Variants in GPHN observed in about 807,000 individuals in gnomAD.
GPHN encodes the protein gephyrin.
In GPHN, 17 loss-of-function variants were observed where a neutral mutation model predicts 95.5. The ratio of observed to expected loss-of-function variants is 0.18; its 90% confidence interval spans 0.12 to 0.27. The LOEUF is 0.27. Ranked by LOEUF, GPHN falls within the 10% of genes least tolerant of loss-of-function variation. The pLI is 1.00. For missense variants in GPHN, 660 were observed against 978.1 expected (o/e 0.67, Z 4.34); for synonymous variants, 320 against 322.5 (o/e 0.99, Z 0.08).
intron 1 of GPHN, among the ~76,000 whole-genome samples, chr14:66,630,737 GCT>G (rs2063762955): frequency 1.3e-5 from 2 of 152,106 alleles, no homozygotes; most frequent in Non-Finnish European, 2.9e-5. Context: ...CTCCCAAAGT[GCT>G]GAGATTACAG....
chr14:67,712,078 C>G, the GPHN span, among the ~76,000 whole-genome samples: 46 of 152,126 alleles, frequency 3.0e-4, no homozygotes, highest in African/African-American at 1.0e-3. Context: ...TGCCACCACA[C>G]CCAGCTAATT....
chr14:67,060,676 G>A (rs981621543), intron 11 of GPHN, among the ~76,000 whole-genome samples: 1 of 152,200 alleles, frequency 6.6e-6, no homozygotes, highest in African/African-American at 2.4e-5. Context: ...AATTAATGTG[G>A]TACTTGTCTC....
intron 4 of GPHN, among the ~76,000 whole-genome samples, chr14:66,855,325 T>A (rs2062755091): frequency 6.6e-6 from 1 of 152,202 alleles, no homozygotes; most frequent in Non-Finnish European, 1.5e-5. Context: ...TAATCTACTT[T>A]CTATCTTTAT....
chr14:67,464,501 C>T, the GPHN span, among the ~76,000 whole-genome samples: 1 of 152,116 alleles, frequency 6.6e-6, no homozygotes, highest in Non-Finnish European at 1.5e-5. Flanking sequence ...ATCCTGTACT[C>T]CTCCTCACCC....
At chr14:66,841,908 C>G (rs1271410572) in intron 4 of GPHN, among the ~76,000 whole-genome samples, 10 of 151,896 alleles carry the variant, frequency 6.6e-5, no homozygotes, top group Admixed American at 6.6e-4. Context: ...AAGAAAAAAG[C>G]CAGACCTGGT....
chr14:66,826,313 C>T (rs1424935034), intron 4 of GPHN, among the ~76,000 whole-genome samples: 1 of 152,154 alleles, frequency 6.6e-6, no homozygotes, highest in Non-Finnish European at 1.5e-5. Flanking sequence ...AGACGGAGTG[C>T]TTTTACTCAC....
the GPHN span, among the ~76,000 whole-genome samples, chr14:67,399,247 G>T: frequency 6.6e-6 from 1 of 152,018 alleles, no homozygotes; most frequent in Admixed American, 6.5e-5. Context: ...TGGCTGTCAG[G>T]TGGCAGGAAT....
the GPHN span, among the ~76,000 whole-genome samples, chr14:67,367,248 G>A: frequency 6.6e-6 from 1 of 151,830 alleles, no homozygotes; most frequent in Admixed American, 6.5e-5. Context: ...CTCTTTTTTT[G>A]GGGGATGGAG....
intron 11 of GPHN, 172 bp downstream of exon 11, chr14:67,058,958 C>A: frequency 3.1e-6 from 2 of 644,142 alleles, no homozygotes; most frequent in South Asian, 1.9e-5. Flanking sequence ...GCTAAGGGTT[C>A]AGCCTTAACA....
At chr14:67,080,572 T>C (rs2076654571) in intron 11 of GPHN, among the ~76,000 whole-genome samples, 1 of 152,130 alleles carries the variant, frequency 6.6e-6, no homozygotes, top group Non-Finnish European at 1.5e-5. Context: ...CAGGTTGAGT[T>C]AATTTTCTTT....
Position 66,996,613 on chromosome 14 carries a change from G to A in GPHN, c.964-27020G>A, listed in dbSNP as rs180948597. On this transcript the variant is annotated intron_variant, in intron 9 of 22. Coordinates refer to ENST00000478722, the MANE Select transcript of GPHN (RefSeq NM_020806.5). ...GTCTGTGTCTGATAGCTGAAGATTT[G>A]TATTCAATTAGTGATTGTTGTGTCT... is the stretch of plus-strand genomic sequence containing the variant. 2.1e-3 allele frequency among the ~76,000 whole-genome samples: 320 copies of A among 152,154 alleles called. 1 individual carries two copies. Among genetic ancestry groups the A allele is most frequent in the African/African-American group, 7.2e-3 (301 of 41,532 alleles).
chr14:67,620,297 G>A, the GPHN span, among the ~76,000 whole-genome samples: 187 of 152,138 alleles, frequency 1.2e-3, 2 homozygotes, highest in African/African-American at 4.4e-3. Context: ...GGGAGGGGTG[G>A]AGGGCACCCT....
At chr14:66,801,630 C>G (rs147951738) in intron 3 of GPHN, among the ~76,000 whole-genome samples, 1,709 of 130,988 alleles carry the variant, frequency 0.013, 13 homozygotes, top group Non-Finnish European at 0.019. Context: ...CCCCCGCTCT[C>G]TCCCCCCTCT....
intron 5 of GPHN, among the ~76,000 whole-genome samples, chr14:66,912,575 T>G (rs995468304): frequency 7.9e-5 from 12 of 152,176 alleles, no homozygotes; most frequent in African/African-American, 2.9e-4. Context: ...TATCAGACTT[T>G]CTTTTCTTTA....
At chr14:66,980,279 G>C (rs1416366174) in intron 9 of GPHN, among the ~76,000 whole-genome samples, 1 of 152,216 alleles carries the variant, frequency 6.6e-6, no homozygotes, top group East Asian at 1.9e-4. Context: ...GTAAAACGAG[G>C]TATGCCTGTA....
At chr14:66,921,390 A>T (rs2066207986) in intron 6 of GPHN, among the ~76,000 whole-genome samples, 1 of 148,398 alleles carries the variant, frequency 6.7e-6, no homozygotes, top group African/African-American at 2.5e-5. Flanking sequence ...CCGTTTGTAT[A>T]TCTTATTTTG....
intron 1 of GPHN, among the ~76,000 whole-genome samples, chr14:66,637,213 G>T (rs2064148174): frequency 6.6e-6 from 1 of 152,076 alleles, no homozygotes; most frequent in Non-Finnish European, 1.5e-5. Context: ...TAGTTAATAG[G>T]TTATACATGG....
rs181607802 is a variant in GPHN, at chr14:66,673,018, C to T, written c.65-8089C>T. 6.3e-4 allele frequency among the ~76,000 whole-genome samples: 96 copies of T among 152,190 alleles called. 2 individuals carry two copies. The highest frequency in any genetic ancestry group is 1.9e-3 in the Admixed American group (29 of 15,284). On this transcript the variant is annotated intron_variant, in intron 1 of 22. Transcript: ENST00000478722. ...TCCCACTCTTCTACCTTTTGTGTTT[C>T]TAATTGAACATTTTATGTAATTTGA...
At chr14:67,283,339 T>C in the GPHN span, among the ~76,000 whole-genome samples, 208 of 152,336 alleles carry the variant, frequency 1.4e-3, no homozygotes, top group African/African-American at 4.5e-3. Context: ...AAAATAGCTC[T>C]TTCAGATTTC....
Sources: allele counts gnomAD v4.1 joint callset (sites outside exome capture counted in the v4.1 genomes callset), GRCh38; gene constraint gnomAD v4.1.1; transcripts MANE v1.5; gene names NCBI Gene and HGNC (gene_info 2026-07-23, HGNC 2026-07-21).